ZNF763: variants seen among roughly 807,000 people sequenced by gnomAD.
ZNF763 encodes DNA-binding protein.
ZNF763 carries 33 observed loss-of-function variants against 38.0 expected under a neutral mutation model. That is an observed-to-expected ratio of 0.87 (90% confidence interval 0.66 to 1.16). The LOEUF is 1.16. ZNF763 is among the 50% of genes most tolerant of loss of function. The pLI is 0.00. For synonymous variants in ZNF763, 155 were observed against 160.1 expected, an observed-to-expected ratio of 0.97 and a Z score of 0.24; for missense variants, 423 against 469.1, an observed-to-expected ratio of 0.90 and a Z score of 0.91.
intron 1 of ZNF763, among the ~76,000 whole-genome samples, chr19:11,969,854 G>A (rs1011735638): frequency 2.0e-5 from 3 of 152,204 alleles, no homozygotes; most frequent in African/African-American, 7.2e-5. Context: ...TTATCAGGAT[G>A]TCTTTGGGAT....
intron 1 of ZNF763, among the ~76,000 whole-genome samples, chr19:11,976,193 T>C (rs1973484629): frequency 6.6e-6 from 1 of 150,964 alleles, no homozygotes. Context: ...TTTTCAAGGA[T>C]ACACAGCCTC....
intron 1 of ZNF763, chr19:11,976,747 T>C (rs1471452227): frequency 2.1e-5 from 11 of 522,056 alleles, no homozygotes. Flanking sequence ...ATGCCTGTAA[T>C]CCCAGCTACT....
At chr19:11,967,498 G>A (rs969605029) in intron 1 of ZNF763, among the ~76,000 whole-genome samples, 2 of 151,894 alleles carry the variant, frequency 1.3e-5, no homozygotes, top group Admixed American at 6.6e-5. Context: ...TCCACCTCCC[G>A]GGTTCACGCC....
At chr19:11,966,213 A>G (rs1973225788) in intron 1 of ZNF763, among the ~76,000 whole-genome samples, 1 of 152,148 alleles carries the variant, frequency 6.6e-6, no homozygotes. Flanking sequence ...TTTTACATGA[A>G]TGTGCGTCAG....
chr19:11,965,405 C>A (rs1010601209), intron 1 of ZNF763, among the ~76,000 whole-genome samples, 194 bp downstream of exon 1: 3 of 152,224 alleles, frequency 2.0e-5, no homozygotes, highest in African/African-American at 7.2e-5. Context: ...CCCGGGTGTC[C>A]TGTCCTGTCC....
chr19:11,979,077 C>G lies in ZNF763; in HGVS notation c.1153C>G (p.Pro385Ala), dbSNP rs770438798. The G allele has an allele frequency of 6.2e-7, 1 of 1,614,010 alleles. No homozygotes were observed. The highest frequency in any genetic ancestry group is 8.5e-7 in the Non-Finnish European group (1 of 1,180,002). The change falls in exon 4 of 4, where the codon CCT becomes GCT. Residue 385 changes from proline (P) to alanine (A), a missense_variant. Pro to Ala is a conservative substitution (Grantham distance 27). Coordinates refer to ENST00000358987, the MANE Select transcript of ZNF763 (RefSeq NM_001367172.2). ...ATTATCTTATAAGTTTTCAAACACA[C>G]CTAAGAATGCGCTCTGGAGAAAGAC... ...KALSYKFSNT[P>A]KNALWRKTL
intron 1 of ZNF763, among the ~76,000 whole-genome samples, chr19:11,968,110 C>T (rs866646063): frequency 2.2e-4 from 33 of 152,126 alleles, no homozygotes; most frequent in African/African-American, 6.8e-4. Context: ...AGGAGTGTTT[C>T]TTGTTAGTCT....
intron 1 of ZNF763, among the ~76,000 whole-genome samples, chr19:11,966,001 A>C (rs1357528308): frequency 1.3e-5 from 2 of 152,084 alleles, no homozygotes; most frequent in African/African-American, 4.8e-5. Flanking sequence ...TAAAGTTTGG[A>C]GGAGGTAGGA....
intron 1 of ZNF763, among the ~76,000 whole-genome samples, chr19:11,970,487 C>G (rs1377079975): frequency 6.6e-6 from 1 of 152,176 alleles, no homozygotes; most frequent in Non-Finnish European, 1.5e-5. Flanking sequence ...TTCACTGTAA[C>G]AGGTAACTCT....
intron 3 of ZNF763, among the ~76,000 whole-genome samples, 200 bp downstream of exon 3, chr19:11,977,631 G>A (rs542666478): frequency 2.0e-5 from 3 of 152,212 alleles, no homozygotes; most frequent in Non-Finnish European, 4.4e-5. Context: ...AGTGGAGATA[G>A]GAGGATAGCT....
At chr19:11,969,999 A>G (rs1039637575) in intron 1 of ZNF763, among the ~76,000 whole-genome samples, 2 of 152,168 alleles carry the variant, frequency 1.3e-5, no homozygotes, top group Non-Finnish European at 2.9e-5. Context: ...GGAGGGTCTC[A>G]TGGGTATTAG....
At chr19:11,969,996 C>G (rs1011763552) in intron 1 of ZNF763, among the ~76,000 whole-genome samples, 1 of 152,156 alleles carries the variant, frequency 6.6e-6, no homozygotes, top group Non-Finnish European at 1.5e-5. Flanking sequence ...CCTGGAGGGT[C>G]TCATGGGTAT....
At chr19:11,969,041 T>A (rs1973296648) in intron 1 of ZNF763, among the ~76,000 whole-genome samples, 1 of 152,178 alleles carries the variant, frequency 6.6e-6, no homozygotes, top group African/African-American at 2.4e-5. Flanking sequence ...AACCCCATGA[T>A]CACATTGCTT....
chr19:11,979,484 T>G lies in ZNF763; in HGVS notation c.*375T>G. 1 of 1,600,888 alleles carries G rather than the reference T, an allele frequency of 6.2e-7. No homozygotes were observed. Among genetic ancestry groups the G allele is most frequent in the Non-Finnish European group, 8.5e-7 (1 of 1,171,672 alleles). On this transcript the variant is annotated 3_prime_UTR_variant, in exon 4 of 4. Transcript: ENST00000358987. ...TAAATGTAAGACATGTGGGAAAGGC[T>G]TTTATTCTCCCACGTCATTTCAAAG...
chr19:11,976,888 T>C (rs1973502875), intron 1 of ZNF763, 150 bp from the exon 2 acceptor site: 2 of 1,507,490 alleles, frequency 1.3e-6, no homozygotes, highest in Admixed American at 4.9e-5. Context: ...AAATGCTTTA[T>C]GGAAGAAAGT....
chr19:11,967,375 C>G (rs984713979), intron 1 of ZNF763, among the ~76,000 whole-genome samples: 3 of 152,070 alleles, frequency 2.0e-5, no homozygotes, highest in Non-Finnish European at 4.4e-5. Flanking sequence ...GAGTTGAAGA[C>G]CAACCTGGCT....
chr19:11,977,257 A>G, intron 2 of ZNF763, 93 bp downstream of exon 2: 1 of 1,604,242 alleles, frequency 6.2e-7, no homozygotes. Context: ...ATAGACAGGA[A>G]ATACTTTGAT....
intron 1 of ZNF763, among the ~76,000 whole-genome samples, chr19:11,972,717 G>A (rs540964900): frequency 1.3e-5 from 2 of 152,194 alleles, no homozygotes; most frequent in South Asian, 2.1e-4. Flanking sequence ...TTAGAACAGT[G>A]GTTGTTTGCC....
chr19:11,977,932 AT>A (rs1294180819), intron 3 of ZNF763, among the ~76,000 whole-genome samples, 183 bp from the exon 4 acceptor site: 1 of 149,920 alleles, frequency 6.7e-6, no homozygotes, highest in Non-Finnish European at 1.5e-5. Flanking sequence ...CCTTATGAGT[AT>A]TTTTTTAAAC....
Sources: gnomAD v4.1 joint callset for allele counts (sites outside exome capture counted in the v4.1 genomes callset) on GRCh38, gnomAD v4.1.1 for gene constraint, MANE v1.5 for transcripts, NCBI Gene and HGNC (gene_info 2026-07-23, HGNC 2026-07-21) for gene names.